The following ARSJ variants were observed in gnomAD, a reference collection of about 807,000 sequenced individuals.
ARSJ encodes arylsulfatase family member J.
Under a neutral mutation model 35.9 loss-of-function variants are expected in ARSJ, and 26 were observed. The ratio of observed to expected loss-of-function variants is 0.72; its 90% CI spans 0.53 to 1.00. The LOEUF (loss-of-function observed/expected upper bound fraction) is 1.00. ARSJ is among the 50% of genes least tolerant of loss of function. The pLI, the probability that ARSJ is intolerant of heterozygous loss-of-function variation, is 0.00. For missense variants in ARSJ, 667 were observed against 723.6 expected, an observed-to-expected ratio of 0.92 and a Z score of 0.90; for synonymous variants, 294 against 267.6, an observed-to-expected ratio of 1.10 and a Z score of -0.96.
At chr4:113,961,013 G>A (rs1267295435) in intron 1 of ARSJ, among the ~76,000 whole-genome samples, 1 of 152,058 alleles carries the variant, frequency 6.6e-6, no homozygotes, top group Non-Finnish European at 1.5e-5. Context: ...GTCCAACAGA[G>A]AAATAAACCA....
intron 1 of ARSJ, among the ~76,000 whole-genome samples, chr4:113,926,527 C>T (rs192245071): frequency 6.6e-6 from 1 of 152,228 alleles, no homozygotes; most frequent in East Asian, 1.9e-4. Flanking sequence ...TAGAGAACTC[C>T]CCATAAGGCC....
rs561839136 is a variant in ARSJ, at chr4:113,902,826, T to C, written c.1248A>G (p.Val416=). ...TISEGLRSPR[V]DILHNIDPIY... ...TGGGGTCAATGTTATGCAAAATATCTACTCGGGGTGAGCGAAGACCCTCAC... is the reference window on the plus strand; with the variant it reads ...TGGGGTCAATGTTATGCAAAATATCCACTCGGGGTGAGCGAAGACCCTCAC... Residue 416 remains valine (V), a synonymous_variant, in exon 2 of 2, where the codon GTA becomes GTG. Coordinates refer to ENST00000315366, the MANE Select transcript of ARSJ (RefSeq NM_024590.4). 1 of 1,614,172 alleles carries C rather than the reference T, an allele frequency of 6.2e-7. No homozygotes were observed. Among genetic ancestry groups the C allele is most frequent in the South Asian group, 1.1e-5 (1 of 91,084 alleles).
intron 1 of ARSJ, among the ~76,000 whole-genome samples, chr4:113,965,291 C>T (rs905912149): frequency 6.6e-6 from 1 of 152,094 alleles, no homozygotes; most frequent in Non-Finnish European, 1.5e-5. Context: ...ATAACTATGT[C>T]TACTTAGCCT....
At chr4:113,947,318 A>T (rs909512814) in intron 1 of ARSJ, among the ~76,000 whole-genome samples, 1 of 151,888 alleles carries the variant, frequency 6.6e-6, no homozygotes, top group African/African-American at 2.4e-5. Flanking sequence ...CATTTCTACT[A>T]AAAATACAAA....
intron 1 of ARSJ, among the ~76,000 whole-genome samples, chr4:113,930,539 A>T (rs904558934): frequency 2.0e-5 from 3 of 152,122 alleles, no homozygotes; most frequent in African/African-American, 7.2e-5. Flanking sequence ...CCATCACAAT[A>T]AGCATTCAAT....
At chr4:113,949,666 T>C (rs1163522613) in intron 1 of ARSJ, among the ~76,000 whole-genome samples, 1 of 152,122 alleles carries the variant, frequency 6.6e-6, no homozygotes, top group African/African-American at 2.4e-5. Flanking sequence ...TATTGCGGAT[T>C]TAGTCCATGC....
At chr4:113,944,813 C>G (rs985970244) in intron 1 of ARSJ, among the ~76,000 whole-genome samples, 1 of 151,994 alleles carries the variant, frequency 6.6e-6, no homozygotes, top group Non-Finnish European at 1.5e-5. Flanking sequence ...TGAGTCCTAA[C>G]ATTATATTTT....
chr4:113,961,994 T>C (rs942564242), intron 1 of ARSJ, among the ~76,000 whole-genome samples: 1 of 151,840 alleles, frequency 6.6e-6, no homozygotes, highest in African/African-American at 2.4e-5. Flanking sequence ...ACATTTTCAT[T>C]TTGATGAAAA....
intron 1 of ARSJ, 91 bp downstream of exon 1, chr4:113,978,346 C>T (rs1727718003): frequency 2.4e-6 from 3 of 1,250,402 alleles, no homozygotes; most frequent in Admixed American, 2.3e-5. Context: ...GTTCCCCATA[C>T]TTTCTGTTAC....
At chr4:113,942,093 G>A (rs1725194117) in intron 1 of ARSJ, among the ~76,000 whole-genome samples, 1 of 151,930 alleles carries the variant, frequency 6.6e-6, no homozygotes, top group South Asian at 2.1e-4. Flanking sequence ...AGGTGAATTT[G>A]AAGAGCCCAA....
At position 113,949,028 on chromosome 4, in the gene ARSJ, A is replaced by G. The variant is rs540169454; in HGVS notation, c.398+29409T>C. Among the ~76,000 whole-genome samples the G allele has an allele frequency of 5.3e-5, 8 of 152,258 alleles. No individual in the cohort carries two copies. In the South Asian group the frequency reaches 1.0e-3, roughly 20 times the overall value. ...GCAGCTATAAAAAAAGAATGAGTTCATGTCCTTTGCAGGAACATGGATGAA... is the reference window on the plus strand; with the variant it reads ...GCAGCTATAAAAAAAGAATGAGTTCGTGTCCTTTGCAGGAACATGGATGAA... On this transcript the variant is annotated intron_variant, in intron 1 of 1. Coordinates refer to ENST00000315366, the MANE Select transcript of ARSJ (RefSeq NM_024590.4).
At chr4:113,911,357 C>G in intron 1 of ARSJ, among the ~76,000 whole-genome samples, 1 of 152,080 alleles carries the variant, frequency 6.6e-6, no homozygotes, top group East Asian at 1.9e-4. Context: ...TCACAGAATA[C>G]TTTTGAAAAG....
intron 1 of ARSJ, among the ~76,000 whole-genome samples, chr4:113,915,631 T>G (rs540192071): frequency 2.3e-4 from 35 of 152,028 alleles, no homozygotes; most frequent in African/African-American, 7.5e-4. Context: ...AAACCAGAAA[T>G]AAAAAGAAAA....
chr4:113,913,161 A>C (rs920948746), intron 1 of ARSJ, among the ~76,000 whole-genome samples: 2 of 152,112 alleles, frequency 1.3e-5, no homozygotes, highest in African/African-American at 4.8e-5. Context: ...CAAGCAGATA[A>C]GGAAACTTGT....
At chr4:113,912,062 G>C (rs1016530849) in intron 1 of ARSJ, among the ~76,000 whole-genome samples, 1 of 152,142 alleles carries the variant, frequency 6.6e-6, no homozygotes, top group African/African-American at 2.4e-5. Context: ...GGAATGCAAT[G>C]TTACCATAAA....
At chr4:113,917,779 T>C (rs569205241) in intron 1 of ARSJ, among the ~76,000 whole-genome samples, 1 of 152,296 alleles carries the variant, frequency 6.6e-6, no homozygotes, top group East Asian at 1.9e-4. Context: ...TTTATTTTAC[T>C]TTGAATTGTT....
intron 1 of ARSJ, among the ~76,000 whole-genome samples, chr4:113,947,290 G>T (rs1314522686): frequency 6.6e-6 from 1 of 151,946 alleles, no homozygotes; most frequent in Non-Finnish European, 1.5e-5. Flanking sequence ...AGATCAGCCT[G>T]GGCAACATGG....
chr4:113,957,374 T>C (rs1726248886), intron 1 of ARSJ, among the ~76,000 whole-genome samples: 1 of 151,966 alleles, frequency 6.6e-6, no homozygotes, highest in South Asian at 2.1e-4. Flanking sequence ...GAGAAAAAAA[T>C]AGAAAGAAAC....
Position 113,966,361 on chromosome 4 carries a change from CAAAG to C in ARSJ, c.398+12072_398+12075del, listed in dbSNP as rs537794877. Reference sequence around the variant, plus strand: ...ATGCTTTAGTAGAGATAAAAAATGACAAAGAAAGAATGTAAAATTGTAAAAACTA... The same window carrying C: ...ATGCTTTAGTAGAGATAAAAAATGACAAAGAATGTAAAATTGTAAAAACTA... On this transcript the variant is annotated intron_variant, in intron 1 of 1. Transcript: ENST00000315366. Among the ~76,000 whole-genome samples, 60 of 151,700 alleles carry C rather than the reference CAAAG, an allele frequency of 4.0e-4. No homozygotes were observed. The South Asian group carries it at 0.012, about 31-fold the overall frequency.
Sources: gnomAD v4.1 joint callset for allele counts (sites outside exome capture counted in the v4.1 genomes callset) on GRCh38, gnomAD v4.1.1 for gene constraint, MANE v1.5 for transcripts, NCBI Gene and HGNC (gene_info 2026-07-23, HGNC 2026-07-21) for gene names.